The following CACNA2D3 variants were observed in gnomAD, a reference collection of about 807,000 sequenced individuals.
CACNA2D3 encodes calcium voltage-gated channel auxiliary subunit alpha2delta 3, also known as voltage-dependent calcium channel subunit alpha-2/delta-3.
CACNA2D3 carries 60 observed loss-of-function variants against 160.6 expected under a neutral mutation model. The observed-to-expected ratio is 0.37, with a 90% CI of 0.30 to 0.46. The LOEUF (loss-of-function observed/expected upper bound fraction) is 0.46, where lower values mean the gene tolerates loss of function less well. CACNA2D3 is among the 20% of genes least tolerant of loss of function. The probability of loss-of-function intolerance (pLI) is 1.00; values close to 1 mark genes in which losing one functional copy is unlikely to be tolerated. For synonymous variants in CACNA2D3, 558 were observed against 492.9 expected (o/e 1.13, Z -1.75); for missense variants, 1,205 against 1,365.0 (o/e 0.88, Z 1.85).
rs576827943 is a variant in CACNA2D3, at chr3:54,298,016, A to G, written c.205-22426A>G. On this transcript the variant is annotated intron_variant, in intron 2 of 37. Coordinates refer to ENST00000474759, the MANE Select transcript of CACNA2D3 (RefSeq NM_018398.3). ...AAAGCACCTCGGGAGATTCATATGCATATTAAAACATGCCAAACTCTAGGA... is the reference window on the plus strand; with the variant it reads ...AAAGCACCTCGGGAGATTCATATGCGTATTAAAACATGCCAAACTCTAGGA... Among the ~76,000 whole-genome samples, 88 of 152,352 alleles carry G rather than the reference A, an allele frequency of 5.8e-4. 1 individual carries two copies. Among genetic ancestry groups the G allele is most frequent in the Non-Finnish European group, 4.3e-4 (29 of 68,034 alleles).
chr3:54,993,296 C>A (rs1702781957), intron 31 of CACNA2D3, among the ~76,000 whole-genome samples: 1 of 152,222 alleles, frequency 6.6e-6, no homozygotes, highest in Admixed American at 6.5e-5. Flanking sequence ...GGGCACCTTG[C>A]TCCAGCAAAA....
chr3:54,701,348 A>C (rs1022123376), intron 11 of CACNA2D3, among the ~76,000 whole-genome samples: 19 of 152,232 alleles, frequency 1.2e-4, no homozygotes, highest in Non-Finnish European at 1.9e-4. Flanking sequence ...ATGTACAGGA[A>C]GCCTAATAGT....
rs149902213 is a variant in CACNA2D3 at position 54,791,807 on chromosome 3, A to G, written c.1381-25046A>G. Among the ~76,000 whole-genome samples, 1,002 of 152,296 alleles carry G rather than the reference A, an allele frequency of 6.6e-3. 17 individuals are homozygous for G. Among genetic ancestry groups the G allele is most frequent in the African/African-American group, 0.023 (938 of 41,580 alleles). ...TTTTCAAAAACCAGATCACCATTTT[A>G]GAGTTCTGAAGTTTTTACCCTTTAC... On this transcript the variant is annotated intron_variant, in intron 13 of 37. Coordinates refer to ENST00000474759, the MANE Select transcript of CACNA2D3 (RefSeq NM_018398.3).
chr3:55,074,261 A>G lies in CACNA2D3; in HGVS notation c.*55A>G, dbSNP rs1704897331. On this transcript the variant is annotated 3_prime_UTR_variant, in exon 38 of 38. Transcript: ENST00000474759. ...AGATGTTCTCTTGGCATGCTAAATC[A>G]TGGATAAACTGTGAACCAAAATATG... is the stretch of plus-strand genomic sequence containing the variant. The G allele has an allele frequency of 2.1e-6, 3 of 1,442,406 alleles. No homozygotes were observed. The highest frequency in any genetic ancestry group is 2.9e-6 in the Non-Finnish European group (3 of 1,022,946). 89.4% of individuals were successfully genotyped at this position (1,442,406 alleles called of 1,614,324 possible).
In CACNA2D3 at chr3:54,987,754, G is replaced by A; in HGVS notation, c.2690+1G>A. ...TGCTAACAATGGGCTCCTTTAAAAG[G>A]TAAGGGTTTTATGGTCCACTGCATT... On this transcript the variant is annotated splice_donor_variant, in intron 31 of 37. Coordinates refer to ENST00000474759, the MANE Select transcript of CACNA2D3 (RefSeq NM_018398.3). LOFTEE classifies it high-confidence loss of function. 1 of 1,602,316 alleles carries A rather than the reference G, an allele frequency of 6.2e-7. No homozygotes were observed. Among genetic ancestry groups the A allele is most frequent in the South Asian group, 1.1e-5 (1 of 88,860 alleles).
chr3:54,274,211 T>C (rs1702685191), intron 2 of CACNA2D3, among the ~76,000 whole-genome samples: 1 of 149,476 alleles, frequency 6.7e-6, no homozygotes, highest in Non-Finnish European at 1.5e-5. Flanking sequence ...GAATGATTTC[T>C]ATGCATATAT....
At chr3:54,344,210 T>C (rs1004112811) in intron 3 of CACNA2D3, among the ~76,000 whole-genome samples, 5 of 152,184 alleles carry the variant, frequency 3.3e-5, no homozygotes, top group African/African-American at 1.2e-4. Context: ...ACCTCTCCCG[T>C]AGGCTCCCTC....
At chr3:54,748,817 G>T (rs958620921) in intron 11 of CACNA2D3, among the ~76,000 whole-genome samples, 1 of 152,162 alleles carries the variant, frequency 6.6e-6, no homozygotes, top group African/African-American at 2.4e-5. Context: ...CTGAAAGTTT[G>T]TTACGTGGTG....
At chr3:54,135,042 C>T (rs1224173042) in intron 2 of CACNA2D3, among the ~76,000 whole-genome samples, 1 of 152,204 alleles carries the variant, frequency 6.6e-6, no homozygotes, top group African/African-American at 2.4e-5. Context: ...GCTTGAGTGC[C>T]ACATTATCAC....
chr3:54,894,460 G>C (rs58625954), intron 25 of CACNA2D3: 2 of 430,184 alleles, frequency 4.6e-6, no homozygotes. Context: ...CCCAAAGCCT[G>C]AATGTCACTG....
chr3:54,441,359 G>A (rs755911173), intron 4 of CACNA2D3, among the ~76,000 whole-genome samples: 8 of 151,810 alleles, frequency 5.3e-5, no homozygotes, highest in Non-Finnish European at 1.0e-4. Flanking sequence ...GTAAATTTTT[G>A]GAGTTCATTG....
At chr3:54,451,169 G>A (rs7638271) in intron 4 of CACNA2D3, among the ~76,000 whole-genome samples, 3 of 150,606 alleles carry the variant, frequency 2.0e-5, no homozygotes, top group Admixed American at 1.3e-4. Context: ...TGCCCCTGAC[G>A]TCAGATTCAT....
intron 4 of CACNA2D3, among the ~76,000 whole-genome samples, chr3:54,414,214 C>T (rs888444620): frequency 6.6e-6 from 1 of 151,966 alleles, no homozygotes. Context: ...TTGACTTATT[C>T]ATTCCAAAAG....
At chr3:55,055,107 G>T (rs1704329847) in intron 35 of CACNA2D3, among the ~76,000 whole-genome samples, 1 of 151,970 alleles carries the variant, frequency 6.6e-6, no homozygotes, top group Admixed American at 6.5e-5. Flanking sequence ...AAAGAGAGTT[G>T]GTGTCAAATC....
chr3:54,624,620 C>T (rs1032236650), intron 9 of CACNA2D3, among the ~76,000 whole-genome samples: 1 of 151,824 alleles, frequency 6.6e-6, no homozygotes, highest in Non-Finnish European at 1.5e-5. Context: ...GAGACTACTC[C>T]GTCTCAAGAA....
At chr3:54,679,174 G>T (rs2106911244) in intron 11 of CACNA2D3, among the ~76,000 whole-genome samples, 1 of 152,222 alleles carries the variant, frequency 6.6e-6, no homozygotes, top group East Asian at 1.9e-4. Context: ...AGCCTCCTTA[G>T]GGCTCCCTTA....
At chr3:54,202,574 C>G (rs1344261520) in intron 2 of CACNA2D3, among the ~76,000 whole-genome samples, 1 of 152,138 alleles carries the variant, frequency 6.6e-6, no homozygotes, top group African/African-American at 2.4e-5. Context: ...GGTCTATTTA[C>G]TATGATTAAT....
At chr3:55,050,696 T>C (rs1704181403) in intron 35 of CACNA2D3, among the ~76,000 whole-genome samples, 2 of 133,730 alleles carry the variant, frequency 1.5e-5, no homozygotes, top group Non-Finnish European at 3.2e-5. Context: ...TCCTGCAGAG[T>C]GTTTTCCATC....
chr3:54,879,585 G>A (rs911940724), intron 20 of CACNA2D3, among the ~76,000 whole-genome samples, 174 bp downstream of exon 20: 1 of 152,304 alleles, frequency 6.6e-6, no homozygotes, highest in East Asian at 1.9e-4. Flanking sequence ...CAGAAGGGGG[G>A]GAGATGGTTC....
Sources: allele counts gnomAD v4.1 joint callset (sites outside exome capture counted in the v4.1 genomes callset), GRCh38; gene constraint gnomAD v4.1.1; transcripts MANE v1.5; gene names NCBI Gene and HGNC (gene_info 2026-07-23, HGNC 2026-07-21).